Variants in MEGF9 observed in about 807,000 individuals in gnomAD.
MEGF9 encodes the protein multiple epidermal growth factor-like domains protein 9.
Under a neutral mutation model 46.8 loss-of-function variants are expected in MEGF9, and 6 were observed. That is an observed-to-expected ratio of 0.13 (90% confidence interval 0.07 to 0.25). The LOEUF (loss-of-function observed/expected upper bound fraction) is 0.25. Among genes scored for constraint, MEGF9 ranks in the 10% least tolerant of loss-of-function variants. The pLI is 1.00. For synonymous variants in MEGF9, 302 were observed against 330.7 expected, an observed-to-expected ratio of 0.91 and a Z score of 0.94; for missense variants, 683 against 792.4, an observed-to-expected ratio of 0.86 and a Z score of 1.66.
Position 120,714,121 on chromosome 9 carries a change from T to A in MEGF9, c.238A>T (p.Thr80Ser). The change falls in exon 1 of 6, where the codon ACC (threonine) becomes TCC (serine). Residue 80 changes from threonine (T) to serine (S), a missense_variant. Around this residue, in one of 2 missense-constraint regions of MEGF9, gnomAD observed 370 missense variants for 371.3 expected, o/e 1.00. Coordinates refer to ENST00000373930, the MANE Select transcript of MEGF9 (RefSeq NM_001080497.3). ...ATAPTAQAPR[T>S]GPPRATVHRP... ...TGGACGGTGGCGCGCGGGGGCCCGG[T>A]CCTCGGGGCCTGGGCCGTGGGAGCC... 1 of 1,241,948 alleles carries A rather than the reference T, an allele frequency of 8.1e-7. No homozygotes were observed. Among genetic ancestry groups the A allele is most frequent in the Non-Finnish European group, 1.0e-6 (1 of 992,984 alleles). The allele number at this position is 1,241,948 out of a possible 1,614,324, so 76.9% of individuals were successfully genotyped here.
intron 1 of MEGF9, among the ~76,000 whole-genome samples, chr9:120,704,827 T>C (rs1014930907): frequency 6.6e-6 from 1 of 152,226 alleles, no homozygotes; most frequent in African/African-American, 2.4e-5. Context: ...TTTAATTATA[T>C]TTCTAATGGG....
chr9:120,606,837 A>G (rs1029068497), intron 5 of MEGF9, among the ~76,000 whole-genome samples: 1 of 152,338 alleles, frequency 6.6e-6, no homozygotes, highest in East Asian at 1.9e-4. Context: ...CATGAAAGCC[A>G]TATCAATTTA....
At chr9:120,693,505 C>T (rs867208117) in intron 1 of MEGF9, among the ~76,000 whole-genome samples, 1 of 152,260 alleles carries the variant, frequency 6.6e-6, no homozygotes, top group Middle Eastern at 3.4e-3. Flanking sequence ...AAGAGAAATG[C>T]TTACATTCTG....
At chr9:120,671,687 A>G (rs774292853) in intron 1 of MEGF9, among the ~76,000 whole-genome samples, 12 of 152,252 alleles carry the variant, frequency 7.9e-5, no homozygotes, top group Non-Finnish European at 1.6e-4. Flanking sequence ...AAGCATTTTA[A>G]TAAGAAATAA....
intron 2 of MEGF9, among the ~76,000 whole-genome samples, chr9:120,649,475 T>C (rs753588915): frequency 7.2e-5 from 11 of 152,130 alleles, no homozygotes; most frequent in South Asian, 2.1e-4. Flanking sequence ...CCCAGGATGA[T>C]TGAGTGTGGC....
At chr9:120,628,467 T>C (rs76554494) in intron 2 of MEGF9, among the ~76,000 whole-genome samples, 396 of 124,550 alleles carry the variant, frequency 3.2e-3, no homozygotes, top group Non-Finnish European at 3.8e-3. Flanking sequence ...TTCTTGTCGT[T>C]GTTTTTTTTT....
intron 2 of MEGF9, among the ~76,000 whole-genome samples, chr9:120,635,292 A>C (rs143072314): frequency 6.6e-6 from 1 of 152,150 alleles, no homozygotes; most frequent in African/African-American, 2.4e-5. Context: ...AGTACCTTGG[A>C]TGGGATCTTT....
chr9:120,704,333 CA>C (rs200388073), intron 1 of MEGF9, among the ~76,000 whole-genome samples: 6,399 of 122,274 alleles, frequency 0.052, 199 homozygotes, highest in African/African-American at 0.11. Flanking sequence ...GACTGTGTCT[CA>C]AAAAAAAAAA....
At chr9:120,642,905 C>T (rs1473967504) in intron 2 of MEGF9, among the ~76,000 whole-genome samples, 1 of 152,072 alleles carries the variant, frequency 6.6e-6, no homozygotes, top group Non-Finnish European at 1.5e-5. Context: ...TGTAGAAAAC[C>T]CCAAACTGAA....
At position 120,713,758 on chromosome 9, in the gene MEGF9, C is replaced by T; in HGVS notation, c.601G>A (p.Glu201Lys). The change falls in exon 1 of 6, where the codon GAG becomes AAG. Residue 201 changes from glutamate (E) to lysine (K), a missense_variant and splice_region_variant. By Grantham distance (56) the Glu-to-Lys change is moderately conservative (BLOSUM62 1). Coordinates refer to ENST00000373930, the MANE Select transcript of MEGF9 (RefSeq NM_001080497.3). Reference sequence around the variant, plus strand: ...GCCCGAGAGGGAGCGCCGGACTCACCTGGAGGAGGCGAAGAGGGGGCCTCG... The same window carrying T: ...GCCCGAGAGGGAGCGCCGGACTCACTTGGAGGAGGCGAAGAGGGGGCCTCG... ...ATEAPSSPPP[E>K]YVCNCSVVGS... 7.8e-7 allele frequency: 1 copy of T among 1,289,998 alleles called. No individual in the cohort carries two copies. The highest frequency in any genetic ancestry group is 9.8e-7 in the Non-Finnish European group (1 of 1,019,054). The allele number at this position is 1,289,998 out of a possible 1,614,324, so 79.9% of individuals were successfully genotyped here.
chr9:120,653,064 T>C (rs2043660693), intron 2 of MEGF9, among the ~76,000 whole-genome samples: 1 of 152,250 alleles, frequency 6.6e-6, no homozygotes, highest in Admixed American at 6.5e-5. Context: ...ACTACTTGTC[T>C]ACAATTTCCT....
chr9:120,618,879 C>CA, intron 3 of MEGF9, among the ~76,000 whole-genome samples: 1 of 145,030 alleles, frequency 6.9e-6, no homozygotes, highest in South Asian at 2.2e-4. Context: ...AGCCTGGTGA[C>CA]AGAGCAAGAC....
chr9:120,713,511 GAAGAT>G (rs1281654134), intron 1 of MEGF9, among the ~76,000 whole-genome samples: 1 of 152,166 alleles, frequency 6.6e-6, no homozygotes, highest in Admixed American at 6.5e-5. Flanking sequence ...CTGTTGGGAA[GAAGAT>G]GAGATGCCTT....
chr9:120,639,173 T>C (rs973117904), intron 2 of MEGF9, among the ~76,000 whole-genome samples: 3 of 152,192 alleles, frequency 2.0e-5, no homozygotes, highest in East Asian at 1.9e-4. Flanking sequence ...ATTTCCCATA[T>C]GTTTTTTATA....
At chr9:120,698,351 T>G (rs1035341963) in intron 1 of MEGF9, among the ~76,000 whole-genome samples, 1 of 152,222 alleles carries the variant, frequency 6.6e-6, no homozygotes, top group Non-Finnish European at 1.5e-5. Flanking sequence ...TTTGCCTTTT[T>G]AAAATGTCTT....
intron 1 of MEGF9, among the ~76,000 whole-genome samples, chr9:120,672,709 AG>A: frequency 6.6e-6 from 1 of 152,342 alleles, no homozygotes; most frequent in Non-Finnish European, 1.5e-5. Flanking sequence ...AAAAATTCCT[AG>A]AACTAATAAA....
At chr9:120,667,099 A>G (rs977281224) in intron 1 of MEGF9, among the ~76,000 whole-genome samples, 6 of 152,358 alleles carry the variant, frequency 3.9e-5, no homozygotes, top group African/African-American at 1.2e-4. Context: ...TTTTTTAAGC[A>G]ATGAGGTCTT....
chr9:120,683,262 T>G (rs554021470), intron 1 of MEGF9, among the ~76,000 whole-genome samples: 75 of 152,278 alleles, frequency 4.9e-4, no homozygotes, highest in Middle Eastern at 3.4e-3. Context: ...AATATGCATT[T>G]TTACATAGTT....
At chr9:120,666,098 G>T (rs369365415) in intron 1 of MEGF9, among the ~76,000 whole-genome samples, 1 of 151,644 alleles carries the variant, frequency 6.6e-6, no homozygotes, top group South Asian at 2.1e-4. Flanking sequence ...GAATTTTAGG[G>T]TTTTTTTTAA....
Sources: gnomAD v4.1 joint callset for allele counts (sites outside exome capture counted in the v4.1 genomes callset) on GRCh38, gnomAD v4.1.1 for gene constraint, gnomAD v4.1.1 regional missense constraint, MANE v1.5 for transcripts, NCBI Gene and HGNC (gene_info 2026-07-23, HGNC 2026-07-21) for gene names.